EIF2AK4: variants seen among roughly 807,000 people sequenced by gnomAD.
EIF2AK4 encodes eukaryotic translation initiation factor 2 alpha kinase 4, also known as eIF-2-alpha kinase GCN2.
Under a neutral mutation model 211.1 loss-of-function variants are expected in EIF2AK4, and 139 were observed. The observed-to-expected ratio is 0.66, with a 90% confidence interval of 0.57 to 0.76. EIF2AK4 has a LOEUF of 0.76. EIF2AK4 is among the 30% of genes least tolerant of loss of function. The pLI, the probability that EIF2AK4 is intolerant of heterozygous loss-of-function variation, is 0.00. For synonymous variants in EIF2AK4, 710 were observed against 751.3 expected (o/e 0.94, Z 0.90); for missense variants, 1,664 against 2,043.8 (o/e 0.81, Z 3.58).
intron 6 of EIF2AK4, 95 bp downstream of exon 6, chr15:39,955,863 G>A: frequency 4.4e-6 from 6 of 1,370,306 alleles, no homozygotes; most frequent in Middle Eastern, 1.9e-4. Flanking sequence ...AATTTCAGGC[G>A]ATAGTCTTAA....
rs751073840 is a variant in EIF2AK4, at chr15:39,939,579, G to A, written c.219G>A (p.Val73=). The change falls in exon 2 of 39, where the codon GTG becomes GTA. Residue 73 remains valine (V), a synonymous_variant. Coordinates refer to ENST00000263791, the MANE Select transcript of EIF2AK4 (RefSeq NM_001013703.4). The part of the protein sequence containing the change: ...GLTGEEVYVK[V]DLRVKCPPTY... Reference sequence around the variant, plus strand: ...CTGGTGAAGAAGTATATGTAAAAGTGGATTTGAGGGTTAAATGCCCACCTA... The same window carrying A: ...CTGGTGAAGAAGTATATGTAAAAGTAGATTTGAGGGTTAAATGCCCACCTA... 5 of 1,612,784 alleles carry A rather than the reference G, an allele frequency of 3.1e-6. No homozygotes were observed. The highest frequency in any genetic ancestry group is 1.3e-5 in the African/African-American group (1 of 75,004).
chr15:40,011,264 T>A lies in EIF2AK4; in HGVS notation c.3694-17T>A, dbSNP rs754544354. On this transcript the variant is annotated splice_polypyrimidine_tract_variant and intron_variant, in intron 26 of 38. Coordinates refer to ENST00000263791, the MANE Select transcript of EIF2AK4 (RefSeq NM_001013703.4). ...AGATTTCGCGACTCTCATTGTTACCTTTTTCTTCCACGTTAGACAGAGAAG... is the reference window on the plus strand; with the variant it reads ...AGATTTCGCGACTCTCATTGTTACCATTTTCTTCCACGTTAGACAGAGAAG... 3 of 1,611,234 alleles carry A rather than the reference T, an allele frequency of 1.9e-6. No individual in the cohort carries two copies. The highest frequency in any genetic ancestry group is 1.7e-6 in the Non-Finnish European group (2 of 1,178,062).
rs182778093 is a variant in EIF2AK4, at chr15:40,022,779, G to C, written c.4389+174G>C. Among the ~76,000 whole-genome samples the C allele has an allele frequency of 1.2e-3, 177 of 152,140 alleles. 1 individual carries two copies. Among genetic ancestry groups the C allele is most frequent in the Non-Finnish European group, 1.8e-3 (125 of 67,990 alleles). ...GAGACGGAGTCTCGCTGTCTCCCAG[G>C]CTGGAGTGCAATGACGCAATCTCGG... On this transcript the variant is annotated intron_variant, in intron 32 of 38. Transcript: ENST00000263791.
At chr15:39,962,215 T>C (rs1212876450) in intron 7 of EIF2AK4, among the ~76,000 whole-genome samples, 1 of 152,232 alleles carries the variant, frequency 6.6e-6, no homozygotes, top group African/African-American at 2.4e-5. Context: ...GCTGTGATCA[T>C]GCCACTGCAC....
rs2034692474 is a variant in EIF2AK4, at chr15:39,976,405, G to T, written c.1819-9G>T. 2 of 1,581,224 alleles carry T rather than the reference G, an allele frequency of 1.3e-6. No homozygotes were observed. Among genetic ancestry groups the T allele is most frequent in the Non-Finnish European group, 8.6e-7 (1 of 1,163,790 alleles). On this transcript the variant is annotated splice_polypyrimidine_tract_variant and intron_variant, in intron 11 of 38. Transcript: ENST00000263791. ...CCGAGCGGCTGACCTTCCCCTGGCT[G>T]TGCCGCAGGTGCAGAACAAGTTGGA...
At chr15:39,970,904 T>C (rs2034614871) in intron 9 of EIF2AK4, among the ~76,000 whole-genome samples, 1 of 152,236 alleles carries the variant, frequency 6.6e-6, no homozygotes, top group African/African-American at 2.4e-5. Flanking sequence ...CTGTTCAAGC[T>C]ATGAAATTAG....
chr15:39,970,027 G>T (rs796528376), intron 9 of EIF2AK4, among the ~76,000 whole-genome samples: 3 of 152,288 alleles, frequency 2.0e-5, no homozygotes, highest in African/African-American at 7.2e-5. Context: ...TGGGATAATA[G>T]CACTGCCTAC....
At position 39,939,517 on chromosome 15, in the gene EIF2AK4, C is replaced by T; in HGVS notation, c.157C>T (p.Pro53Ser). Residue 53 changes from proline (P) to serine (S), a missense_variant, in exon 2 of 39, where the codon CCT (proline) becomes TCT (serine). By Grantham distance (74) the Pro-to-Ser change is moderately conservative. This residue lies in a region of EIF2AK4 where 641 missense variants were observed against 729.6 expected (regional missense o/e 0.88). Coordinates refer to ENST00000263791, the MANE Select transcript of EIF2AK4 (RefSeq NM_001013703.4). ...PDACGPVKEP[P>S]EINLVLYPQG... The stretch of plus-strand genomic sequence containing the variant: ...TTTCCTCTTTTAGGTCAAAGAGCCC[C>T]CTGAAATCAATTTAGTTTTGTACCC... 1.2e-6 allele frequency: 2 copies of T among 1,600,046 alleles called. No homozygotes were observed. Among genetic ancestry groups the T allele is most frequent in the African/African-American group, 1.3e-5 (1 of 74,636 alleles).
At chr15:39,965,650 A>C (rs764014640) in intron 7 of EIF2AK4, 36 bp from the exon 8 acceptor site, 4 of 1,609,250 alleles carry the variant, frequency 2.5e-6, no homozygotes. Flanking sequence ...AAAACATACC[A>C]GTGGGATTTA....
At chr15:39,941,552 G>T (rs529138096) in intron 2 of EIF2AK4, among the ~76,000 whole-genome samples, 1 of 139,112 alleles carries the variant, frequency 7.2e-6, no homozygotes, top group East Asian at 1.9e-4. Flanking sequence ...TCAAAATAAA[G>T]AAAAAGGTAT....
intron 2 of EIF2AK4, among the ~76,000 whole-genome samples, chr15:39,941,265 A>T (rs1252976985): frequency 6.6e-6 from 1 of 152,232 alleles, no homozygotes; most frequent in Non-Finnish European, 1.5e-5. Flanking sequence ...GATGGGGCTG[A>T]AATTTCTCAC....
intron 33 of EIF2AK4, among the ~76,000 whole-genome samples, chr15:40,027,496 G>C (rs933718364): frequency 5.9e-5 from 9 of 152,192 alleles, no homozygotes; most frequent in African/African-American, 2.2e-4. Flanking sequence ...TTTGAATTAT[G>C]ATAATTTGGT....
Position 39,934,122 on chromosome 15 carries a change from A to G in EIF2AK4, c.-74A>G. 1.7e-6 allele frequency: 2 copies of G among 1,200,428 alleles called. No individual in the cohort carries two copies. The highest frequency in any genetic ancestry group is 3.8e-5 in the South Asian group (1 of 26,002). The allele number at this position is 1,200,428 out of a possible 1,614,324, so 74.4% of individuals were successfully genotyped here. A position where few individuals can be genotyped will look rare whatever the true frequency, so the allele number is the denominator to read the frequency against. ...CGCCCATAGCCCGTCCCCAGCGCGG[A>G]GCCCCGCCCCGCAGGCTGCCGGGGG... On this transcript the variant is annotated 5_prime_UTR_variant, in exon 1 of 39. Transcript: ENST00000263791.
At chr15:39,974,859 C>G (rs990773951) in intron 11 of EIF2AK4, 2 of 152,238 alleles carry the variant, frequency 1.3e-5, no homozygotes, top group African/African-American at 2.4e-5. Flanking sequence ...AGTAGGGCAG[C>G]CTGCCCAGTG....
chr15:40,014,959 C>A (rs2035285495), intron 27 of EIF2AK4, among the ~76,000 whole-genome samples: 1 of 152,186 alleles, frequency 6.6e-6, no homozygotes, highest in Non-Finnish European at 1.5e-5. Context: ...AGGGCAGGGG[C>A]AAAATTCTGC....
At chr15:39,949,651 A>C (rs1595543861) in intron 4 of EIF2AK4, among the ~76,000 whole-genome samples, 1 of 152,348 alleles carries the variant, frequency 6.6e-6, no homozygotes, top group East Asian at 1.9e-4. Flanking sequence ...TAATTTTTTT[A>C]TTCAAACATT....
intron 9 of EIF2AK4, among the ~76,000 whole-genome samples, chr15:39,969,141 C>T (rs997149213): frequency 7.9e-5 from 12 of 151,932 alleles, no homozygotes; most frequent in South Asian, 6.2e-4. Context: ...CTTTAGTGTT[C>T]TGCCTTCTTC....
At chr15:39,985,350 G>C (rs1483372585) in intron 13 of EIF2AK4, among the ~76,000 whole-genome samples, 2 of 152,128 alleles carry the variant, frequency 1.3e-5, no homozygotes, top group Non-Finnish European at 2.9e-5. Flanking sequence ...TTGGTATCAG[G>C]ATGATGCTGG....
intron 32 of EIF2AK4, 130 bp downstream of exon 32, chr15:40,022,735 G>T: frequency 2.7e-6 from 2 of 738,464 alleles, no homozygotes; most frequent in Non-Finnish European, 4.3e-6. Flanking sequence ...TTCCATTGTT[G>T]GGTTTCTTTT....
Sources: gnomAD v4.1 joint callset for allele counts (sites outside exome capture counted in the v4.1 genomes callset) on GRCh38, gnomAD v4.1.1 for gene constraint, gnomAD v4.1.1 regional missense constraint, MANE v1.5 for transcripts, NCBI Gene and HGNC (gene_info 2026-07-23, HGNC 2026-07-21) for gene names.